Variants in TULP4 observed in about 807,000 individuals in gnomAD.
TULP4 encodes tubby-related protein 4.
TULP4 carries 16 observed loss-of-function variants against 129.0 expected under a neutral mutation model. The ratio of observed to expected loss-of-function variants is 0.12; its 90% CI spans 0.08 to 0.19. The LOEUF is 0.19. Among genes scored for constraint, TULP4 ranks in the 10% least tolerant of loss-of-function variants. The probability of loss-of-function intolerance (pLI) is 1.00; values close to 1 mark genes in which losing one functional copy is unlikely to be tolerated. For missense variants in TULP4, 1,842 were observed against 2,059.1 expected (o/e 0.89, Z 2.04); for synonymous variants, 998 against 854.0 (o/e 1.17, Z -2.94).
intron 3 of TULP4, among the ~76,000 whole-genome samples, chr6:158,439,711 T>TC (rs1778841193): frequency 8.5e-6 from 1 of 118,108 alleles, no homozygotes; most frequent in African/African-American, 3.5e-5. Context: ...TTTTTTTTTT[T>TC]TTTTTTTTTT....
At chr6:158,455,644 G>A (rs900674681) in intron 5 of TULP4, among the ~76,000 whole-genome samples, 1 of 151,904 alleles carries the variant, frequency 6.6e-6, no homozygotes, top group Non-Finnish European at 1.5e-5. Context: ...GGCTGAGGCA[G>A]GAGAATCACT....
At chr6:158,488,239 C>T (rs1780115375) in intron 8 of TULP4, among the ~76,000 whole-genome samples, 2 of 152,180 alleles carry the variant, frequency 1.3e-5, no homozygotes, top group Admixed American at 6.5e-5. Flanking sequence ...AGTCGAATCA[C>T]ACACACAGGC....
chr6:158,245,906 G>A (rs1476683238), intron 1 of TULP4, among the ~76,000 whole-genome samples: 1 of 152,154 alleles, frequency 6.6e-6, no homozygotes, highest in African/African-American at 2.4e-5. Flanking sequence ...ATAGATGTTT[G>A]TTTAGGTAAC....
At position 158,265,731 on chromosome 6, in the gene TULP4, T is replaced by C. The variant is rs118178462; in HGVS notation, n.68+33428T>C. 2.0e-5 allele frequency among the ~76,000 whole-genome samples: 3 copies of C among 152,262 alleles called. No homozygotes were observed. The East Asian group carries it at 5.8e-4, about 29-fold the overall frequency. On this transcript the variant is annotated intron_variant and non_coding_transcript_variant, in intron 1 of 1. Coordinates refer to the TULP4 transcript ENST00000620026. The stretch of plus-strand genomic sequence containing the variant: ...CTCAAGTAAGGCAAATACTTTTTTT[T>C]TCTTAAGCATTGAGAATGAGGATAA...
chr6:158,327,201 A>G (rs1242202783), intron 1 of TULP4, among the ~76,000 whole-genome samples: 4 of 152,130 alleles, frequency 2.6e-5, no homozygotes, highest in Non-Finnish European at 5.9e-5. Context: ...GACTATTATT[A>G]CTCTAGGTCC....
chr6:158,381,608 C>T (rs1777327687), intron 1 of TULP4, among the ~76,000 whole-genome samples: 1 of 152,166 alleles, frequency 6.6e-6, no homozygotes, highest in Non-Finnish European at 1.5e-5. Flanking sequence ...TTCTCCTTTG[C>T]AGGCTTGATG....
chr6:158,292,725 A>G (rs1312894365), intron 1 of TULP4, among the ~76,000 whole-genome samples: 2 of 152,194 alleles, frequency 1.3e-5, no homozygotes, highest in Non-Finnish European at 2.9e-5. Context: ...TTTCCCTTAT[A>G]CAAACGCTAT....
chr6:158,248,297 T>G (rs1163208104), intron 1 of TULP4, among the ~76,000 whole-genome samples: 1 of 150,150 alleles, frequency 6.7e-6, no homozygotes, highest in East Asian at 2.0e-4. Flanking sequence ...TGAGACGGAG[T>G]CTCGCTCTGT....
chr6:158,232,992 T>C (rs1272924535), intron 1 of TULP4, among the ~76,000 whole-genome samples: 2 of 152,246 alleles, frequency 1.3e-5, no homozygotes, highest in Non-Finnish European at 2.9e-5. Context: ...CTCTTTGCCA[T>C]GCGCTCCACA....
chr6:158,338,203 A>T (rs1780090449), intron 1 of TULP4, among the ~76,000 whole-genome samples: 1 of 152,108 alleles, frequency 6.6e-6, no homozygotes, highest in Non-Finnish European at 1.5e-5. Flanking sequence ...CAGTAGTGTG[A>T]TCATAGCTCA....
intron 1 of TULP4, among the ~76,000 whole-genome samples, chr6:158,352,219 T>C (rs1013793855): frequency 2.0e-5 from 3 of 152,156 alleles, no homozygotes; most frequent in African/African-American, 7.2e-5. Context: ...ACTGGCAAAA[T>C]CATGAGGACC....
At chr6:158,334,838 G>A (rs997241379) in intron 1 of TULP4, among the ~76,000 whole-genome samples, 21 of 152,202 alleles carry the variant, frequency 1.4e-4, no homozygotes, top group Non-Finnish European at 2.6e-4. Context: ...AGGGCTTGAG[G>A]AAGGGCTTTA....
chr6:158,458,286 G>T (rs1391601561), intron 5 of TULP4, among the ~76,000 whole-genome samples: 2 of 152,108 alleles, frequency 1.3e-5, no homozygotes, highest in African/African-American at 4.8e-5. Context: ...TACCAAAAAG[G>T]ATCCATAAGA....
chr6:158,494,910 C>A, intron 11 of TULP4, 64 bp downstream of exon 11: 1 of 1,384,176 alleles, frequency 7.2e-7, no homozygotes, highest in Non-Finnish European at 1.0e-6. Context: ...CCAGTTTCCA[C>A]CTTTAGTGGC....
chr6:158,246,118 A>T (rs1384388558), intron 1 of TULP4, among the ~76,000 whole-genome samples: 1 of 151,940 alleles, frequency 6.6e-6, no homozygotes, highest in African/African-American at 2.4e-5. Context: ...ACGGACTCAC[A>T]AGGAGAGTTG....
At chr6:158,236,816 TTTTTTTTTTTTTTTTG>T (rs1777717888) in intron 1 of TULP4, among the ~76,000 whole-genome samples, 2 of 116,622 alleles carry the variant, frequency 1.7e-5, no homozygotes, top group South Asian at 2.9e-4. Context: ...TTTTTTTTTT[TTTTTTTTTTTTTTTTG>T]AGATAGGGTC....
Position 158,506,742 on chromosome 6 carries a change from G to T in TULP4, c.*48G>T. The T allele has an allele frequency of 7.4e-7, 1 of 1,346,700 alleles. No individual in the cohort carries two copies. The allele number at this position is 1,346,700 out of a possible 1,614,324, so 83.4% of individuals were successfully genotyped here. On this transcript the variant is annotated 3_prime_UTR_variant, in exon 14 of 14. Coordinates refer to ENST00000367097, the MANE Select transcript of TULP4 (RefSeq NM_020245.5). ...GAGATGCAGAGAGCCTTTGGAAGAG[G>T]TCTTCGGAGATGCCAGAGGAGCCCT...
chr6:158,484,125 C>T (rs904525968), intron 8 of TULP4, among the ~76,000 whole-genome samples: 2 of 151,478 alleles, frequency 1.3e-5, no homozygotes, highest in African/African-American at 2.4e-5. Context: ...GTGGGGGCTC[C>T]ATGTGTTGCC....
At chr6:158,345,775 G>C (rs184147120) in intron 1 of TULP4, among the ~76,000 whole-genome samples, 42 of 152,320 alleles carry the variant, frequency 2.8e-4, no homozygotes, top group South Asian at 1.4e-3. Flanking sequence ...CAGGGTTCAA[G>C]AGCAGAGAAG....
Sources: allele counts gnomAD v4.1 joint callset (sites outside exome capture counted in the v4.1 genomes callset), GRCh38; gene constraint gnomAD v4.1.1; transcripts MANE v1.5; gene names NCBI Gene and HGNC (gene_info 2026-07-23, HGNC 2026-07-21).